Variants in PITPNM3 observed in about 807,000 individuals in gnomAD.
PITPNM3 encodes membrane-associated phosphatidylinositol transfer protein 3.
In PITPNM3, 26 loss-of-function variants were observed where a neutral mutation model predicts 102.0. That is an observed-to-expected ratio of 0.25 (90% CI 0.19 to 0.35). The LOEUF (loss-of-function observed/expected upper bound fraction) is 0.35, where lower values mean the gene tolerates loss of function less well. Among genes scored for constraint, PITPNM3 ranks in the 10% least tolerant of loss-of-function variants. The probability of loss-of-function intolerance (pLI) is 1.00; values close to 1 mark genes in which losing one functional copy is unlikely to be tolerated. For missense variants in PITPNM3, 1,083 were observed against 1,346.1 expected (o/e 0.80, Z 3.06); for synonymous variants, 578 against 558.6 (o/e 1.03, Z -0.49).
chr17:6,530,138 G>A (rs929445651), intron 2 of PITPNM3, among the ~76,000 whole-genome samples: 5 of 152,226 alleles, frequency 3.3e-5, no homozygotes, highest in Non-Finnish European at 5.9e-5. Context: ...AGATCAGAGG[G>A]CAGACAGTCA....
Position 6,468,311 on chromosome 17 carries a change from C to T in PITPNM3, c.1804G>A (p.Glu602Lys). Residue 602 changes from glutamate (E) to lysine (K), a missense_variant, in exon 14 of 20, where the codon GAA becomes AAA. By Grantham distance (56) the Glu-to-Lys change is moderately conservative. Around this residue, in one of 5 missense-constraint regions of PITPNM3, gnomAD observed 410 missense variants for 638.4 expected, o/e 0.64. Coordinates refer to ENST00000262483, the MANE Select transcript of PITPNM3 (RefSeq NM_031220.4). The surrounding 1 kb of genome is among the most constrained non-coding windows in gnomAD (Gnocchi z 5.2). Reference protein sequence around the residue: ...VMRYESVNIKESARLDPAALS... With the variant: ...VMRYESVNIKKSARLDPAALS... ...GCTGCAGGGTCCAGGCGGGCGCTTT[C>T]CTTGATGTTCACGCTCTCATAGCGC... The T allele has an allele frequency of 6.2e-7, 1 of 1,614,096 alleles. No individual in the cohort carries two copies. The highest frequency in any genetic ancestry group is 8.5e-7 in the Non-Finnish European group (1 of 1,180,014).
rs1330101623 is a variant in PITPNM3, at chr17:6,470,687, G to C, written c.1625-279C>G. ...GTCCACAGTCTCACCCAGGGCCGCC[G>C]CTCAGTGGCAGTTCCCAGTGGGCTC... is the stretch of plus-strand genomic sequence containing the variant. On this transcript the variant is annotated intron_variant, in intron 12 of 19. Coordinates refer to ENST00000262483, the MANE Select transcript of PITPNM3 (RefSeq NM_031220.4). The surrounding 1 kb of genome is among the most constrained non-coding windows in gnomAD (Gnocchi z 4.8). Among the ~76,000 whole-genome samples, 1 of 152,140 alleles carries C rather than the reference G, an allele frequency of 6.6e-6. No individual in the cohort carries two copies. The highest frequency in any genetic ancestry group is 1.5e-5 in the Non-Finnish European group (1 of 68,026).
At chr17:6,482,785 C>T (rs1049775903) in intron 6 of PITPNM3, among the ~76,000 whole-genome samples, 2 of 152,020 alleles carry the variant, frequency 1.3e-5, no homozygotes, top group East Asian at 1.9e-4. Context: ...ACATGTGGCC[C>T]GGAAGTCTTC....
In PITPNM3 at chr17:6,452,010, A is replaced by G. The variant is rs1427387746; in HGVS notation, c.*3328T>C. The G allele has an allele frequency of 2.0e-5, 3 of 151,350 alleles. No homozygotes were observed. The highest frequency in any genetic ancestry group is 7.3e-5 in the African/African-American group (3 of 41,090). The allele number at this position is 151,350 out of a possible 1,614,324, so 9.4% of individuals were successfully genotyped here. ...AGAGGACCCACGTGCCTCATGAAAG[A>G]CTCCAGGGCACAGGTATGGGTCCCA... On this transcript the variant is annotated 3_prime_UTR_variant, in exon 20 of 20. Coordinates refer to ENST00000262483, the MANE Select transcript of PITPNM3 (RefSeq NM_031220.4).
At chr17:6,542,609 C>T (rs1909790626) in intron 1 of PITPNM3, among the ~76,000 whole-genome samples, 1 of 152,206 alleles carries the variant, frequency 6.6e-6, no homozygotes. Flanking sequence ...TCACTTTTCT[C>T]ATCCGGAAAA....
Position 6,483,741 on chromosome 17 carries a change from C to A in PITPNM3, c.363G>T (p.Pro121=), listed in dbSNP as rs375235477. The change falls in exon 6 of 20, where the codon CCG becomes CCT. Residue 121 remains proline (P), a synonymous_variant. Transcript: ENST00000262483. ...EIHEDSEEGC[P]QRSCKTHVLL... ...GGACATGTGTCTTGCAGGAGCGCTGCGGGCAGCCTTCCTGAGAGCCAAGGC... is the reference window on the plus strand; with the variant it reads ...GGACATGTGTCTTGCAGGAGCGCTGAGGGCAGCCTTCCTGAGAGCCAAGGC... The A allele has an allele frequency of 1.9e-6, 3 of 1,612,552 alleles. No homozygotes were observed. The highest frequency in any genetic ancestry group is 2.7e-5 in the African/African-American group (2 of 74,894).
intron 1 of PITPNM3, among the ~76,000 whole-genome samples, chr17:6,552,739 G>A (rs964900411): frequency 2.7e-5 from 4 of 150,818 alleles, no homozygotes; most frequent in African/African-American, 9.8e-5. Flanking sequence ...CCTGGAAGCC[G>A]GCCCCTGGCC....
chr17:6,474,635 A>G (rs1468739805), intron 9 of PITPNM3, 31 bp from the exon 10 acceptor site: 1 of 1,545,644 alleles, frequency 6.5e-7, no homozygotes, highest in Non-Finnish European at 8.7e-7. Context: ...AGGGCAGGGC[A>G]GGTCAGGGAA....
At position 6,452,972 on chromosome 17, in the gene PITPNM3, C is replaced by CCTCTCTCTCTCTCTCTG. The variant is rs1913915387; in HGVS notation, c.*2365_*2366insCAGAGAGAGAGAGAGAG. On this transcript the variant is annotated 3_prime_UTR_variant, in exon 20 of 20. Coordinates refer to ENST00000262483, the MANE Select transcript of PITPNM3 (RefSeq NM_031220.4). ...TCTCTCTCTCTTCCTCTCTCTCTCT[C>CCTCTCTCTCTCTCTCTG]TCTTCCTCTCTCTCTCTCTCTGTCT... 1 of 145,894 alleles carries CCTCTCTCTCTCTCTCTG rather than the reference C, an allele frequency of 6.9e-6. No homozygotes were observed. Among genetic ancestry groups the CCTCTCTCTCTCTCTCTG allele is most frequent in the African/African-American group, 2.6e-5 (1 of 38,674 alleles). 9.0% of individuals were successfully genotyped at this position (145,894 alleles called of 1,614,324 possible).
At chr17:6,539,138 C>T (rs1035796397) in intron 1 of PITPNM3, among the ~76,000 whole-genome samples, 1 of 152,160 alleles carries the variant, frequency 6.6e-6, no homozygotes, top group African/African-American at 2.4e-5. Flanking sequence ...ATCAAAAGGA[C>T]AGAGGGTACA....
At chr17:6,523,551 G>A (rs952445399) in intron 3 of PITPNM3, among the ~76,000 whole-genome samples, 18 of 152,238 alleles carry the variant, frequency 1.2e-4, no homozygotes, top group African/African-American at 4.3e-4. Context: ...CTGGGTCTGA[G>A]TCATACATTC....
chr17:6,483,423 C>T (rs2150737223), intron 6 of PITPNM3, 94 bp downstream of exon 6: 1 of 1,227,698 alleles, frequency 8.1e-7, no homozygotes, highest in Non-Finnish European at 1.2e-6. Context: ...TTGCAGGTAC[C>T]CACCTGCCCA....
chr17:6,484,341 G>T lies in PITPNM3; in HGVS notation c.275-49C>A. The stretch of plus-strand genomic sequence containing the variant: ...CAGCATCTCCAGGCTTCCCTACAGT[G>T]ACCAGACACTCCCTGGGCCCAGCTG... On this transcript the variant is annotated intron_variant, in intron 4 of 19. Transcript: ENST00000262483. 2.0e-6 allele frequency: 3 copies of T among 1,520,800 alleles called. No homozygotes were observed. In the South Asian group the frequency reaches 3.4e-5, roughly 17 times the overall value. The allele number at this position is 1,520,800 out of a possible 1,614,324, so 94.2% of individuals were successfully genotyped here. A position where few individuals can be genotyped will look rare whatever the true frequency, so the allele number is the denominator to read the frequency against.
intron 3 of PITPNM3, among the ~76,000 whole-genome samples, chr17:6,515,965 G>C (rs1257123550): frequency 6.6e-6 from 1 of 152,178 alleles, no homozygotes; most frequent in Non-Finnish European, 1.5e-5. Context: ...AGGATCGCTT[G>C]AGCCTAGGAG....
chr17:6,489,820 A>C (rs985547544), intron 4 of PITPNM3, among the ~76,000 whole-genome samples: 4 of 152,038 alleles, frequency 2.6e-5, no homozygotes, highest in African/African-American at 9.7e-5. Flanking sequence ...CCTGGCCAAC[A>C]TGGTGAAACC....
rs774467767 is a variant in PITPNM3 at position 6,525,349 on chromosome 17, G to A, written c.226+7C>T. ...ACATCCTGGTCATGAGAGAAGCAGA[G>A]TCTCACCTTGATGCTCGTCCAGTTT... On this transcript the variant is annotated splice_region_variant and intron_variant, in intron 3 of 19. Transcript: ENST00000262483. 6.2e-7 allele frequency: 1 copy of A among 1,613,008 alleles called. No homozygotes were observed. The highest frequency in any genetic ancestry group is 1.1e-5 in the South Asian group (1 of 91,058).
Position 6,514,322 on chromosome 17 carries a change from T to C in PITPNM3, c.227-10748A>G, listed in dbSNP as rs1228911402. ...AAAAGACATTATCAAAAAAAAAAAG[T>C]ATAAAGACAACCCACAAAATGGGAG... is the stretch of plus-strand genomic sequence containing the variant. On this transcript the variant is annotated intron_variant, in intron 3 of 19. Coordinates refer to ENST00000262483, the MANE Select transcript of PITPNM3 (RefSeq NM_031220.4). Among the ~76,000 whole-genome samples, 3 of 147,354 alleles carry C rather than the reference T, an allele frequency of 2.0e-5. No homozygotes were observed. In the South Asian group the frequency reaches 6.4e-4, roughly 32 times the overall value.
At chr17:6,541,542 T>A (rs1478389697) in intron 1 of PITPNM3, among the ~76,000 whole-genome samples, 3 of 151,868 alleles carry the variant, frequency 2.0e-5, no homozygotes, top group Non-Finnish European at 4.4e-5. Flanking sequence ...GACGGAAGCT[T>A]GGAACAGGTG....
At chr17:6,499,492 G>A (rs1907040504) in intron 4 of PITPNM3, among the ~76,000 whole-genome samples, 1 of 152,134 alleles carries the variant, frequency 6.6e-6, no homozygotes, top group Non-Finnish European at 1.5e-5. Context: ...GCAGCCGCAG[G>A]ACCAGTAGAG....
Sources: allele counts gnomAD v4.1 joint callset (sites outside exome capture counted in the v4.1 genomes callset), GRCh38; gene constraint gnomAD v4.1.1; regional missense constraint gnomAD v4.1.1; non-coding constraint Gnocchi (gnomAD v3.1); transcripts MANE v1.5; gene names NCBI Gene and HGNC (gene_info 2026-07-23, HGNC 2026-07-21).